The following DIAPH2 variants were observed in gnomAD, a reference collection of about 807,000 sequenced individuals.
The protein encoded by DIAPH2 is protein diaphanous homolog 2.
A neutral mutation model predicts 92.7 loss-of-function variants in DIAPH2; 35 were observed. That is an observed-to-expected ratio of 0.38 (90% CI 0.29 to 0.50). The LOEUF (loss-of-function observed/expected upper bound fraction) is 0.50, where lower values mean the gene tolerates loss of function less well. DIAPH2 is among the 20% of genes least tolerant of loss of function. The pLI is 0.94. For synonymous variants in DIAPH2, 301 were observed against 280.4 expected (o/e 1.07, Z -0.73); for missense variants, 701 against 819.5 (o/e 0.86, Z 1.77).
chrX:97,307,153 G>T (rs754817078), intron 23 of DIAPH2, among the ~76,000 whole-genome samples: 12 of 112,097 alleles, frequency 1.1e-4, no homozygotes, highest in African/African-American at 3.9e-4. Context: ...AAAAGCCACT[G>T]TTGAATCACC....
At chrX:96,918,450 G>A (rs906690023) in intron 8 of DIAPH2, 59 bp from the exon 9 acceptor site, 8 of 726,964 alleles carry the variant, frequency 1.1e-5, no homozygotes, top group Non-Finnish European at 1.6e-5. Context: ...AAGGACCGGT[G>A]CTCATAGTGT....
intron 22 of DIAPH2, among the ~76,000 whole-genome samples, chrX:97,237,959 C>A (rs1367382645): frequency 3.6e-5 from 4 of 112,144 alleles, no homozygotes; most frequent in Non-Finnish European, 7.5e-5. Flanking sequence ...ACTTCCTAGT[C>A]CTGGCCTTGA....
intron 15 of DIAPH2, among the ~76,000 whole-genome samples, chrX:96,952,215 T>C (rs2065780051): frequency 9.0e-6 from 1 of 111,265 alleles, no homozygotes; most frequent in Admixed American, 9.6e-5. Flanking sequence ...AGAGAGAAAA[T>C]TGCATTCCAG....
intron 23 of DIAPH2, among the ~76,000 whole-genome samples, chrX:97,283,692 C>G (rs761727544): frequency 2.7e-5 from 3 of 112,811 alleles, no homozygotes; most frequent in Non-Finnish European, 5.6e-5. Context: ...CCTGTAATCC[C>G]AGCACTTTGG....
At chrX:97,347,293 G>A (rs2147688105) in intron 23 of DIAPH2, among the ~76,000 whole-genome samples, 1 of 108,311 alleles carries the variant, frequency 9.2e-6, no homozygotes, top group East Asian at 2.9e-4. Flanking sequence ...GTTTCACTGT[G>A]TTGGCCAGGC....
At chrX:97,208,742 T>TA (rs758231220) in intron 22 of DIAPH2, among the ~76,000 whole-genome samples, 1 of 111,770 alleles carries the variant, frequency 8.9e-6, no homozygotes, top group South Asian at 3.7e-4. Flanking sequence ...TGGCCCAGAA[T>TA]TAAGTGGACT....
intron 21 of DIAPH2, among the ~76,000 whole-genome samples, chrX:97,119,478 G>C (rs954364941): frequency 1.8e-5 from 2 of 111,943 alleles, no homozygotes; most frequent in Non-Finnish European, 3.8e-5. Context: ...AATGGACTCT[G>C]TAAGGGTTCT....
intron 14 of DIAPH2, among the ~76,000 whole-genome samples, chrX:96,948,624 T>G (rs2147809325): frequency 8.9e-6 from 1 of 111,915 alleles, no homozygotes; most frequent in East Asian, 2.8e-4. Flanking sequence ...AAAATTGAAT[T>G]TTCATTACCA....
chrX:97,007,878 T>G (rs1170446814), intron 17 of DIAPH2, among the ~76,000 whole-genome samples: 2 of 101,406 alleles, frequency 2.0e-5, no homozygotes, highest in Non-Finnish European at 4.0e-5. Flanking sequence ...TTCTCCTGCC[T>G]CAGCCTCCTG....
intron 26 of DIAPH2, among the ~76,000 whole-genome samples, chrX:97,430,824 T>C (rs994804683): frequency 8.9e-6 from 1 of 112,197 alleles, no homozygotes; most frequent in African/African-American, 3.2e-5. Flanking sequence ...AGACAATATA[T>C]GTTATATTCA....
intron 25 of DIAPH2, among the ~76,000 whole-genome samples, chrX:97,403,600 G>A (rs1170639702): frequency 9.0e-6 from 1 of 111,691 alleles, no homozygotes; most frequent in Admixed American, 9.5e-5. Context: ...AATGTAATAG[G>A]ACTTATAGCA....
chrX:97,547,699 C>T (rs1222509411), intron 26 of DIAPH2, among the ~76,000 whole-genome samples: 6 of 111,778 alleles, frequency 5.4e-5, no homozygotes, highest in African/African-American at 1.3e-4. Flanking sequence ...TCCCTCGTGA[C>T]GAACACTTTT....
intron 22 of DIAPH2, among the ~76,000 whole-genome samples, chrX:97,199,297 T>C (rs938362962): frequency 9.9e-5 from 11 of 111,059 alleles, no homozygotes; most frequent in Non-Finnish European, 1.7e-4. Flanking sequence ...ATAAAATAAC[T>C]TGCTTTATCA....
intron 17 of DIAPH2, among the ~76,000 whole-genome samples, chrX:96,970,447 G>C (rs1001106583): frequency 9.0e-6 from 1 of 110,669 alleles, no homozygotes; most frequent in African/African-American, 3.3e-5. Context: ...CCGGGTTTCA[G>C]CTTCTTCCCG....
intron 4 of DIAPH2, among the ~76,000 whole-genome samples, chrX:96,815,680 T>G (rs925034625): frequency 4.5e-5 from 5 of 111,257 alleles, no homozygotes; most frequent in African/African-American, 1.6e-4. Context: ...TTTTTTTCTT[T>G]TTTTTGAGAC....
intron 26 of DIAPH2, among the ~76,000 whole-genome samples, chrX:97,567,703 A>G (rs2071336856): frequency 8.9e-6 from 1 of 111,870 alleles, no homozygotes; most frequent in Non-Finnish European, 1.9e-5. Context: ...TTAAGTGGCT[A>G]GTCTCAGTGT....
chrX:97,086,069 T>C (rs2066780709), intron 19 of DIAPH2, among the ~76,000 whole-genome samples: 1 of 111,908 alleles, frequency 8.9e-6, no homozygotes, highest in Admixed American at 9.5e-5. Flanking sequence ...GGGAGAATTC[T>C]ACCTGATGGA....
chrX:97,554,080 C>T (rs773769740), intron 26 of DIAPH2, among the ~76,000 whole-genome samples: 1 of 111,494 alleles, frequency 9.0e-6, no homozygotes, highest in South Asian at 3.8e-4. Flanking sequence ...CTCCAGCCTC[C>T]GTTTGGTACA....
chrX:96,977,745 A>G (rs1273319144), intron 17 of DIAPH2, among the ~76,000 whole-genome samples: 2 of 109,464 alleles, frequency 1.8e-5, no homozygotes, highest in Non-Finnish European at 3.8e-5. Context: ...GTGCAGTGGC[A>G]TAATCTTGGC....
Sources: allele counts gnomAD v4.1 joint callset (sites outside exome capture counted in the v4.1 genomes callset), GRCh38; gene constraint gnomAD v4.1.1; transcripts MANE v1.5; gene names NCBI Gene and HGNC (gene_info 2026-07-23, HGNC 2026-07-21).